The following SMYD3 variants were observed in gnomAD, a reference collection of about 807,000 sequenced individuals.
The protein encoded by SMYD3 is SET and MYND domain containing 3, also known as histone-lysine N-methyltransferase SMYD3.
In SMYD3, 36 loss-of-function variants were observed where a neutral mutation model predicts 57.7. That is an observed-to-expected ratio of 0.62 (90% CI 0.48 to 0.82). The LOEUF (loss-of-function observed/expected upper bound fraction) is 0.82. Among genes scored for constraint, SMYD3 ranks in the 40% least tolerant of loss-of-function variants. SMYD3 has a pLI of 0.00. For synonymous variants in SMYD3, 211 were observed against 195.0 expected (o/e 1.08, Z -0.68); for missense variants, 515 against 538.8 (o/e 0.96, Z 0.44).
intron 10 of SMYD3, among the ~76,000 whole-genome samples, chr1:245,822,394 T>G (rs1281729865): frequency 3.3e-5 from 4 of 119,560 alleles, no homozygotes; most frequent in Admixed American, 9.1e-5. Flanking sequence ...CTGGGGACTG[T>G]TGTGGGGTAG....
chr1:246,278,700 C>T (rs185263067), intron 5 of SMYD3, among the ~76,000 whole-genome samples: 36 of 152,256 alleles, frequency 2.4e-4, no homozygotes, highest in South Asian at 4.2e-4. Flanking sequence ...GACACCTTGA[C>T]GAGAGCTTTA....
Position 245,915,571 on chromosome 1 carries a change from A to G in SMYD3, c.772T>C (p.Cys258Arg). Residue 258 changes from cysteine (C) to arginine (R), a missense_variant, in exon 8 of 12, where the codon TGC becomes CGC. Transcript: ENST00000490107. ...CAACGGAAACAGTCACATTCAAAGC[A>G]GTACTGGTCCCTCAGCTGCTTCCGG... The part of the protein sequence containing the change: ...ERRKQLRDQY[C>R]FECDCFRCQT... 6.2e-7 allele frequency: 1 copy of G among 1,614,040 alleles called. No homozygotes were observed. Among genetic ancestry groups the G allele is most frequent in the Non-Finnish European group, 8.5e-7 (1 of 1,179,960 alleles).
At chr1:246,141,518 A>G (rs2061755255) in intron 5 of SMYD3, among the ~76,000 whole-genome samples, 1 of 152,168 alleles carries the variant, frequency 6.6e-6, no homozygotes, top group African/African-American at 2.4e-5. Flanking sequence ...TACTGTCCTC[A>G]ATTCTCTCCT....
chr1:245,919,842 T>C (rs1288530696), intron 7 of SMYD3, among the ~76,000 whole-genome samples: 6 of 152,232 alleles, frequency 3.9e-5, no homozygotes, highest in African/African-American at 1.4e-4. Context: ...TGACCACTGC[T>C]CTGCCATTTT....
intron 5 of SMYD3, among the ~76,000 whole-genome samples, chr1:246,140,768 A>T (rs1267203739): frequency 1.3e-5 from 2 of 152,138 alleles, no homozygotes; most frequent in South Asian, 2.1e-4. Flanking sequence ...ACATGCCATC[A>T]TGCCCCGTTA....
intron 8 of SMYD3, among the ~76,000 whole-genome samples, chr1:245,895,731 G>A (rs1013947108): frequency 6.6e-6 from 1 of 152,220 alleles, no homozygotes; most frequent in Non-Finnish European, 1.5e-5. Context: ...TAGCCCAGGT[G>A]ATGTACAGCC....
intron 5 of SMYD3, among the ~76,000 whole-genome samples, chr1:246,126,710 T>G (rs1470999683): frequency 6.6e-6 from 1 of 152,222 alleles, no homozygotes; most frequent in Non-Finnish European, 1.5e-5. Context: ...AGAAAAGCTT[T>G]TGCCAATACT....
At chr1:245,939,481 A>G (rs1262027011) in intron 5 of SMYD3, among the ~76,000 whole-genome samples, 2 of 152,060 alleles carry the variant, frequency 1.3e-5, no homozygotes, top group African/African-American at 4.8e-5. Context: ...AAAATTAGCT[A>G]GGCATGGTGG....
At chr1:245,952,170 T>A (rs2057677889) in intron 5 of SMYD3, among the ~76,000 whole-genome samples, 1 of 152,164 alleles carries the variant, frequency 6.6e-6, no homozygotes, top group Non-Finnish European at 1.5e-5. Flanking sequence ...TATACCATGA[T>A]AAAGCTGGGT....
intron 5 of SMYD3, among the ~76,000 whole-genome samples, chr1:246,031,049 C>T (rs1229874086): frequency 2.0e-5 from 3 of 152,104 alleles, no homozygotes; most frequent in Non-Finnish European, 4.4e-5. Flanking sequence ...TTACAAGCTT[C>T]TTATTCCCAG....
At chr1:246,177,600 A>G (rs2148271520) in intron 5 of SMYD3, among the ~76,000 whole-genome samples, 1 of 152,338 alleles carries the variant, frequency 6.6e-6, no homozygotes, top group South Asian at 2.1e-4. Context: ...GGTATATTAA[A>G]TGAGCAAGGA....
At chr1:246,385,168 A>T (rs545567864) in intron 1 of SMYD3, among the ~76,000 whole-genome samples, 1 of 152,320 alleles carries the variant, frequency 6.6e-6, no homozygotes, top group South Asian at 2.1e-4. Context: ...TTTCAAACTG[A>T]ATTTAATTGG....
At chr1:246,427,636 G>C (rs1395988498) in intron 1 of SMYD3, among the ~76,000 whole-genome samples, 1 of 152,214 alleles carries the variant, frequency 6.6e-6, no homozygotes, top group Non-Finnish European at 1.5e-5. Flanking sequence ...GGCCAAGGTG[G>C]GAGGATCACT....
intron 1 of SMYD3, among the ~76,000 whole-genome samples, chr1:246,412,091 C>T (rs1296996749): frequency 6.6e-6 from 1 of 152,134 alleles, no homozygotes; most frequent in Non-Finnish European, 1.5e-5. Context: ...CACACATCCC[C>T]AAGAGCCTAC....
intron 5 of SMYD3, among the ~76,000 whole-genome samples, chr1:246,197,058 A>T (rs77736753): frequency 0.021 from 3,174 of 152,334 alleles, 104 homozygotes; most frequent in African/African-American, 0.071. Flanking sequence ...CAACTGAAAA[A>T]GTTCCCTGCG....
At chr1:245,857,098 C>T (rs187563143) in intron 10 of SMYD3, among the ~76,000 whole-genome samples, 39 of 152,326 alleles carry the variant, frequency 2.6e-4, no homozygotes, top group Non-Finnish European at 4.6e-4. Flanking sequence ...AGCCCTCAAG[C>T]CAATCCCTCA....
At chr1:246,209,406 C>T (rs939791858) in intron 5 of SMYD3, among the ~76,000 whole-genome samples, 2 of 151,964 alleles carry the variant, frequency 1.3e-5, no homozygotes, top group African/African-American at 4.8e-5. Flanking sequence ...ACATGGTCTG[C>T]ATTAAGACCA....
At chr1:245,848,839 T>C (rs1341876741) in intron 10 of SMYD3, among the ~76,000 whole-genome samples, 2 of 152,154 alleles carry the variant, frequency 1.3e-5, no homozygotes, top group African/African-American at 4.8e-5. Context: ...GTATCCTTGC[T>C]GCAGGTAGGG....
intron 5 of SMYD3, among the ~76,000 whole-genome samples, chr1:246,300,560 ATT>A (rs1490781384): frequency 6.6e-6 from 1 of 152,078 alleles, no homozygotes; most frequent in Non-Finnish European, 1.5e-5. Context: ...TGAATCTGGA[ATT>A]TTCAAATGCC....
Sources: gnomAD v4.1 joint callset for allele counts (sites outside exome capture counted in the v4.1 genomes callset) on GRCh38, gnomAD v4.1.1 for gene constraint, MANE v1.5 for transcripts, NCBI Gene and HGNC (gene_info 2026-07-23, HGNC 2026-07-21) for gene names.